The following TEAD1 variants were observed in gnomAD, a reference collection of about 807,000 sequenced individuals.
The protein encoded by TEAD1 is transcriptional enhancer factor TEF-1.
Under a neutral mutation model 54.9 loss-of-function variants are expected in TEAD1, and 9 were observed. The observed-to-expected ratio is 0.16, with a 90% confidence interval of 0.10 to 0.29. TEAD1 has a LOEUF of 0.29. TEAD1 is among the 10% of genes least tolerant of loss of function. The pLI, the probability that TEAD1 is intolerant of heterozygous loss-of-function variation, is 1.00. For synonymous variants in TEAD1, 200 were observed against 187.8 expected (o/e 1.07, Z -0.53); for missense variants, 387 against 535.9 (o/e 0.72, Z 2.74).
intron 2 of TEAD1, among the ~76,000 whole-genome samples, chr11:12,696,534 G>A (rs1397183304): frequency 6.6e-6 from 1 of 152,202 alleles, no homozygotes; most frequent in Non-Finnish European, 1.5e-5. Context: ...TTTCCTGATG[G>A]TTTTCTATTT....
chr11:12,745,368 A>T (rs1263412481), intron 2 of TEAD1, among the ~76,000 whole-genome samples: 3 of 152,220 alleles, frequency 2.0e-5, no homozygotes, highest in Non-Finnish European at 4.4e-5. Flanking sequence ...TTTTAAAGAC[A>T]GAATGAAACT....
At chr11:12,864,113 T>G (rs942614198) in intron 4 of TEAD1, among the ~76,000 whole-genome samples, 3 of 152,190 alleles carry the variant, frequency 2.0e-5, no homozygotes, top group East Asian at 1.9e-4. Flanking sequence ...GTCTTTCCAT[T>G]TCTCTTTGAG....
At chr11:12,840,668 G>T (rs952518623) in intron 3 of TEAD1, among the ~76,000 whole-genome samples, 1 of 152,204 alleles carries the variant, frequency 6.6e-6, no homozygotes, top group South Asian at 2.1e-4. Flanking sequence ...ATCTTCTCTC[G>T]AGGCTGAAGG....
At chr11:12,675,677 T>C (rs1943069541) in intron 2 of TEAD1, 116 bp downstream of exon 2, 1 of 152,228 alleles carries the variant, frequency 6.6e-6, no homozygotes, top group Non-Finnish European at 1.5e-5. Context: ...TTTTCAAAAG[T>C]CCAGAGTCCC....
At position 12,674,857 on chromosome 11, in the gene TEAD1, T is replaced by TGCTGGGGTGCGGGGGGCGCAC. The variant is rs1352849758; in HGVS notation, c.-208+25_-208+45dup. The TGCTGGGGTGCGGGGGGCGCAC allele has an allele frequency of 2.4e-3, 349 of 147,520 alleles. 1 individual carries two copies. The highest frequency in any genetic ancestry group is 8.1e-3 in the African/African-American group (327 of 40,540). 9.1% of individuals were successfully genotyped at this position (147,520 alleles called of 1,614,324 possible). Reference sequence around the variant, plus strand: ...GAGGTAAGTTGGCGCGCGGGGCGGATGCTGGGGTGCGGGGGGCGCACGGGG... The same window carrying TGCTGGGGTGCGGGGGGCGCAC: ...GAGGTAAGTTGGCGCGCGGGGCGGATGCTGGGGTGCGGGGGGCGCACGCTGGGGTGCGGGGGGCGCACGGGG... On this transcript the variant is annotated intron_variant, in intron 1 of 12. Coordinates refer to ENST00000527636, the MANE Select transcript of TEAD1 (RefSeq NM_021961.6).
At chr11:12,898,348 A>G (rs139094155) in intron 9 of TEAD1, among the ~76,000 whole-genome samples, 35 of 152,226 alleles carry the variant, frequency 2.3e-4, no homozygotes, top group Non-Finnish European at 4.0e-4. Context: ...GTCACATGAT[A>G]ATAAACTATA....
chr11:12,839,939 G>A (rs564858165), intron 3 of TEAD1, among the ~76,000 whole-genome samples: 4 of 152,108 alleles, frequency 2.6e-5, no homozygotes, highest in East Asian at 1.9e-4. Context: ...AAAACAGTTC[G>A]GAGGCAGCTT....
At position 12,758,246 on chromosome 11, in the gene TEAD1, T is replaced by A. The variant is rs1286834067; in HGVS notation, c.-54-5933T>A. On this transcript the variant is annotated intron_variant, in intron 2 of 12. Transcript: ENST00000527636. ...AGTTTTTGTTTTGTTTTTTTTTTTT[T>A]AATTTTTTTTTTGTGATGGAGTCTC... 3.9e-4 allele frequency among the ~76,000 whole-genome samples: 59 copies of A among 150,520 alleles called. No individual in the cohort carries two copies. In the East Asian group the frequency reaches 4.5e-3, roughly 11 times the overall value.
intron 2 of TEAD1, among the ~76,000 whole-genome samples, chr11:12,713,442 C>G (rs1943985052): frequency 1.3e-5 from 2 of 152,166 alleles, no homozygotes; most frequent in Admixed American, 1.3e-4. Context: ...GTCTAAAATG[C>G]AAATCTATTC....
chr11:12,901,493 G>A (rs1013294414), intron 9 of TEAD1, among the ~76,000 whole-genome samples: 4 of 152,146 alleles, frequency 2.6e-5, no homozygotes, highest in Non-Finnish European at 5.9e-5. Flanking sequence ...CCATTGCTCA[G>A]ACCACTGTAT....
intron 7 of TEAD1, 76 bp downstream of exon 7, chr11:12,881,127 A>G (rs533840537): frequency 3.6e-5 from 55 of 1,518,516 alleles, no homozygotes; most frequent in Non-Finnish European, 4.7e-5. Flanking sequence ...TTCCTGGACC[A>G]TAGTGTCTCA....
At chr11:12,686,889 G>A (rs1943345806) in intron 2 of TEAD1, among the ~76,000 whole-genome samples, 1 of 152,166 alleles carries the variant, frequency 6.6e-6, no homozygotes, top group Non-Finnish European at 1.5e-5. Flanking sequence ...AGTGACTTCG[G>A]GCAGGAGTGG....
At position 12,736,714 on chromosome 11, in the gene TEAD1, T is replaced by C. The variant is rs143442157; in HGVS notation, c.-54-27465T>C. On this transcript the variant is annotated intron_variant, in intron 2 of 12. Transcript: ENST00000527636. ...CTGGAACCTAAGCTTTTGATTCTTA[T>C]CCATTCACAAAGAAATACAGGTAAA... 3.1e-3 allele frequency among the ~76,000 whole-genome samples: 475 copies of C among 152,268 alleles called. 4 individuals carry two copies. The highest frequency in any genetic ancestry group is 0.011 in the African/African-American group (449 of 41,568).
chr11:12,808,021 G>T (rs984216266), intron 3 of TEAD1, among the ~76,000 whole-genome samples: 2 of 152,250 alleles, frequency 1.3e-5, no homozygotes, highest in Admixed American at 1.3e-4. Context: ...AAACATAAGA[G>T]GATGAAGGAA....
At chr11:12,693,837 A>G (rs1204494377) in intron 2 of TEAD1, among the ~76,000 whole-genome samples, 2 of 152,230 alleles carry the variant, frequency 1.3e-5, no homozygotes, top group Non-Finnish European at 2.9e-5. Flanking sequence ...TGAAACCACT[A>G]CAAGCCTCAT....
intron 2 of TEAD1, among the ~76,000 whole-genome samples, chr11:12,712,683 G>A (rs958557036): frequency 6.6e-6 from 1 of 152,144 alleles, no homozygotes; most frequent in African/African-American, 2.4e-5. Flanking sequence ...TCTGCCCTTG[G>A]GAAATATATC....
chr11:12,936,796 T>A (rs1424937209), intron 12 of TEAD1, among the ~76,000 whole-genome samples: 1 of 152,196 alleles, frequency 6.6e-6, no homozygotes, highest in Admixed American at 6.5e-5. Context: ...TTAAAGAGAA[T>A]TCTTTGTTGT....
chr11:12,759,350 T>C (rs1481015575), intron 2 of TEAD1, among the ~76,000 whole-genome samples: 2 of 148,174 alleles, frequency 1.3e-5, no homozygotes, highest in African/African-American at 2.7e-5. Context: ...ACTGTACTCA[T>C]GTTACTCTTT....
At chr11:12,904,365 C>T (rs978141154) in intron 10 of TEAD1, among the ~76,000 whole-genome samples, 14 of 152,158 alleles carry the variant, frequency 9.2e-5, no homozygotes, top group Non-Finnish European at 2.1e-4. Flanking sequence ...TTGTGCCTAC[C>T]TTAGTGAACT....
Sources: allele counts gnomAD v4.1 joint callset (sites outside exome capture counted in the v4.1 genomes callset), GRCh38; gene constraint gnomAD v4.1.1; transcripts MANE v1.5; gene names NCBI Gene and HGNC (gene_info 2026-07-23, HGNC 2026-07-21).